Variants in NEBL observed in about 807,000 individuals in gnomAD.
The protein encoded by NEBL is nebulette, also known as LIM and SH3 protein 2.
NEBL carries 122 observed loss-of-function variants against 140.2 expected under a neutral mutation model. That is an observed-to-expected ratio of 0.87 (90% CI 0.75 to 1.01). The LOEUF (loss-of-function observed/expected upper bound fraction) is 1.01. NEBL is among the 50% of genes least tolerant of loss of function. NEBL has a pLI of 0.00. For missense variants in NEBL, 1,365 were observed against 1,231.3 expected, an observed-to-expected ratio of 1.11 and a Z score of -1.62; for synonymous variants, 436 against 398.9, an observed-to-expected ratio of 1.09 and a Z score of -1.11.
chr10:21,257,909 A>C (rs575944116), intron 1 of NEBL, among the ~76,000 whole-genome samples: 10 of 133,194 alleles, frequency 7.5e-5, no homozygotes, highest in African/African-American at 3.7e-4. Context: ...CAAAAAAAAA[A>C]CATCAAAACA....
chr10:20,849,510 T>C (rs1842305215), intron 11 of NEBL, among the ~76,000 whole-genome samples: 1 of 152,120 alleles, frequency 6.6e-6, no homozygotes, highest in Non-Finnish European at 1.5e-5. Flanking sequence ...GCCAATATCA[T>C]GGGAATGGTT....
In NEBL at chr10:21,274,856, A is replaced by G. The variant is rs561636180; in HGVS notation, n.182+17974T>C. ...AATTATTTTAAAATAAAATTTAAAA[A>G]GAAAATATATTGACTATTCATTGAG... On this transcript the variant is annotated intron_variant and non_coding_transcript_variant, in intron 1 of 8. Transcript: ENST00000675702. 2.0e-5 allele frequency among the ~76,000 whole-genome samples: 3 copies of G among 152,242 alleles called. No homozygotes were observed. The South Asian group carries it at 6.2e-4, about 32-fold the overall frequency.
chr10:21,206,968 CTTT>C (rs1028716031), intron 3 of NEBL, among the ~76,000 whole-genome samples: 2 of 99,118 alleles, frequency 2.0e-5, no homozygotes, highest in African/African-American at 3.9e-5. Flanking sequence ...CTTTTTCTTT[CTTT>C]TTTTTTTTTT....
At chr10:20,845,442 T>G in intron 11 of NEBL, 74 bp from the exon 12 acceptor site, 3 of 948,776 alleles carry the variant, frequency 3.2e-6, no homozygotes, top group Non-Finnish European at 5.1e-6. Context: ...GAACAAGAGT[T>G]CCCAGAACAA....
intron 2 of NEBL, among the ~76,000 whole-genome samples, chr10:21,151,105 G>C (rs1387225494): frequency 6.6e-6 from 1 of 152,182 alleles, no homozygotes; most frequent in Non-Finnish European, 1.5e-5. Context: ...GTCATTTTTG[G>C]AGAAATAAAC....
intron 26 of NEBL, among the ~76,000 whole-genome samples, chr10:20,789,230 A>G (rs1240416522): frequency 2.6e-5 from 4 of 152,208 alleles, no homozygotes; most frequent in African/African-American, 9.7e-5. Context: ...GGCTTCATTA[A>G]TTACTACTTG....
chr10:21,097,354 G>T (rs751714103), intron 2 of NEBL, among the ~76,000 whole-genome samples: 1 of 152,044 alleles, frequency 6.6e-6, no homozygotes, highest in African/African-American at 2.4e-5. Context: ...AGCAACTCAG[G>T]AGGCTGAGGC....
chr10:20,993,832 C>T (rs139196145), intron 3 of NEBL, among the ~76,000 whole-genome samples: 12 of 152,312 alleles, frequency 7.9e-5, no homozygotes, highest in Non-Finnish European at 1.3e-4. Context: ...TACAGAGGCA[C>T]CTACTCCCTG....
chr10:20,826,615 A>G, intron 17 of NEBL, 76 bp from the exon 18 acceptor site: 1 of 1,114,554 alleles, frequency 9.0e-7, no homozygotes. Context: ...TAGAAAGACA[A>G]TTTCTCAGGT....
At chr10:21,064,306 T>C (rs1370757322) in intron 2 of NEBL, among the ~76,000 whole-genome samples, 1 of 152,242 alleles carries the variant, frequency 6.6e-6, no homozygotes, top group African/African-American at 2.4e-5. Flanking sequence ...TTGAAAACTT[T>C]TATAATGTTT....
chr10:21,240,905 C>G (rs1187439923), intron 3 of NEBL, among the ~76,000 whole-genome samples: 4 of 129,350 alleles, frequency 3.1e-5, no homozygotes, highest in Non-Finnish European at 6.4e-5. Flanking sequence ...AACACGCACA[C>G]ATACACACAC....
At chr10:20,931,595 A>C (rs1027063643) in intron 4 of NEBL, among the ~76,000 whole-genome samples, 3 of 151,956 alleles carry the variant, frequency 2.0e-5, no homozygotes, top group Admixed American at 6.6e-5. Context: ...CTCCTGGGGG[A>C]GGCTCCTTGG....
chr10:20,936,837 G>A (rs369252519), intron 4 of NEBL, among the ~76,000 whole-genome samples: 1 of 152,098 alleles, frequency 6.6e-6, no homozygotes, highest in East Asian at 1.9e-4. Context: ...CCCACCTTAT[G>A]AATAAGCTTG....
chr10:20,834,713 G>A (rs891569541), intron 14 of NEBL, among the ~76,000 whole-genome samples: 2 of 152,080 alleles, frequency 1.3e-5, no homozygotes, highest in African/African-American at 4.8e-5. Context: ...CCTGCACCCC[G>A]ATTTTTTCTT....
chr10:20,948,861 G>A lies in NEBL; in HGVS notation c.357+12811C>T, dbSNP rs75001682. ...TGAGGGGATGTCCCAGTGGTTTGTC[G>A]TTAACACAGACTGGGCCAAGAACGC... On this transcript the variant is annotated intron_variant, in intron 4 of 6. Transcript: ENST00000417816. Among the ~76,000 whole-genome samples the A allele has an allele frequency of 7.2e-5, 11 of 152,262 alleles. No individual in the cohort carries two copies. In the East Asian group the frequency reaches 1.4e-3, roughly 19 times the overall value.
Position 21,214,931 on chromosome 10 carries a change from T to C in NEBL, n.348+32990A>G, listed in dbSNP as rs554687365. Among the ~76,000 whole-genome samples the C allele has an allele frequency of 2.6e-5, 4 of 152,252 alleles. No individual in the cohort carries two copies. The South Asian group carries it at 8.3e-4, about 32-fold the overall frequency. ...GCTGTGTCTCTCTGCCCCCATCTCC[T>C]GGAATCTAGCTCCCTTTTCCCTGCC... On this transcript the variant is annotated intron_variant and non_coding_transcript_variant, in intron 3 of 8. Transcript: ENST00000675702.
chr10:21,279,781 C>G (rs892968012), intron 1 of NEBL, among the ~76,000 whole-genome samples: 4 of 151,128 alleles, frequency 2.6e-5, no homozygotes, highest in Non-Finnish European at 5.9e-5. Context: ...AAAGTAAAAA[C>G]CATTCTTAGT....
chr10:21,251,309 C>T (rs1361258766), intron 2 of NEBL, among the ~76,000 whole-genome samples: 1 of 152,176 alleles, frequency 6.6e-6, no homozygotes, highest in East Asian at 1.9e-4. Context: ...ACCCTCATCC[C>T]TCTTGGTAGC....
At chr10:21,182,577 AAAG>A (rs1261919117) in intron 3 of NEBL, among the ~76,000 whole-genome samples, 6 of 152,342 alleles carry the variant, frequency 3.9e-5, no homozygotes, top group South Asian at 2.1e-4. Flanking sequence ...AAGTAAATAA[AAAG>A]AAGAAAGCCA....
Sources: gnomAD v4.1 joint callset for allele counts (sites outside exome capture counted in the v4.1 genomes callset) on GRCh38, gnomAD v4.1.1 for gene constraint, MANE v1.5 for transcripts, NCBI Gene and HGNC (gene_info 2026-07-23, HGNC 2026-07-21) for gene names.